ZNF692: variants seen among roughly 807,000 people sequenced by gnomAD.
ZNF692 encodes AICAR responsive element binding protein.
A neutral mutation model predicts 49.0 loss-of-function variants in ZNF692; 41 were observed. The observed-to-expected ratio is 0.84, with a 90% CI of 0.65 to 1.08. The LOEUF is 1.08. ZNF692 is among the 50% of genes least tolerant of loss of function. The pLI is 0.00. For synonymous variants in ZNF692, 288 were observed against 251.5 expected, an observed-to-expected ratio of 1.15 and a Z score of -1.37; for missense variants, 662 against 662.2, an observed-to-expected ratio of 1.00 and a Z score of 0.00.
At chr1:248,856,001 C>T (rs1213074040) in intron 6 of ZNF692, 55 bp from the exon 7 acceptor site, 1 of 1,532,598 alleles carries the variant, frequency 6.5e-7, no homozygotes, top group Non-Finnish European at 8.9e-7. Flanking sequence ...GTCAGCCATC[C>T]CCTGCCCGAC....
At position 248,857,352 on chromosome 1, in the gene ZNF692, G is replaced by A; in HGVS notation, c.357C>T (p.Thr119=). 1 of 1,614,052 alleles carries A rather than the reference G, an allele frequency of 6.2e-7. No individual in the cohort carries two copies. Among genetic ancestry groups the A allele is most frequent in the African/African-American group, 1.3e-5 (1 of 74,998 alleles). The change falls in exon 4 of 12, where the codon ACC becomes ACT. Residue 119 remains threonine, a synonymous_variant. Transcript: ENST00000306601. ...GLVWECSAGH[T]FSWGPSLSPT... ...GGCTCAAAGAGGGTCCCCAGGAGAAGGTATGGCCTGCTGAGCACTCCCACA... is the reference window on the plus strand; with the variant it reads ...GGCTCAAAGAGGGTCCCCAGGAGAAAGTATGGCCTGCTGAGCACTCCCACA...
At position 248,856,304 on chromosome 1, in the gene ZNF692, T is replaced by C; in HGVS notation, c.643A>G (p.Ser215Gly). 1 of 1,595,860 alleles carries C rather than the reference T, an allele frequency of 6.3e-7. No homozygotes were observed. Among genetic ancestry groups the C allele is most frequent in the Non-Finnish European group, 8.5e-7 (1 of 1,170,570 alleles). The change falls in exon 6 of 12, where the codon AGC becomes GGC. Residue 215 changes from serine to glycine, a missense_variant. Physicochemically the swap from Ser to Gly is moderately conservative, Grantham distance 56 (BLOSUM62 0). Transcript: ENST00000306601. The stretch of plus-strand genomic sequence containing the variant: ...CCAACTTGCTCATCTGGGGAGGAGC[T>C]GTAGGTCCATAAGCTGGCATCACTG... ...MLSDASLWTY[S>G]SSPDDSEPDA...
In ZNF692 at chr1:248,858,471, C is replaced by T; in HGVS notation, c.-12-150G>A. ...AGCAGTGGCAGGTGTGGAGCCAAAC[C>T]CCGTCCTTCTATGATACAGGGTGTT... On this transcript the variant is annotated intron_variant, in intron 1 of 11. Coordinates refer to ENST00000306601, the MANE Select transcript of ZNF692 (RefSeq NM_017865.4). The surrounding 1 kb of genome is among the most constrained non-coding windows in gnomAD (Gnocchi z 4.3). The T allele has an allele frequency of 6.4e-7, 1 of 1,551,696 alleles. No individual in the cohort carries two copies. The highest frequency in any genetic ancestry group is 8.7e-7 in the Non-Finnish European group (1 of 1,146,978).
At chr1:248,853,651 T>C (rs1372517664) in intron 10 of ZNF692, among the ~76,000 whole-genome samples, 1 of 152,256 alleles carries the variant, frequency 6.6e-6, no homozygotes, top group Non-Finnish European at 1.5e-5. Context: ...CATTTCTTCA[T>C]AGCCCTGTAT....
Position 248,850,088 on chromosome 1 carries a change from T to C in ZNF692, c.*122A>G. ...CTACAGCCCAGTCTTGCCCCCACCC[T>C]GCACTCTGTCGCCTTAGTTCCTGGG... On this transcript the variant is annotated 3_prime_UTR_variant, in exon 12 of 12. Transcript: ENST00000306601. The C allele has an allele frequency of 2.6e-6, 3 of 1,143,064 alleles. No homozygotes were observed. In the South Asian group the frequency reaches 5.2e-5, roughly 20 times the overall value. The allele number at this position is 1,143,064 out of a possible 1,614,324, so 70.8% of individuals were successfully genotyped here. A position where few individuals can be genotyped will look rare whatever the true frequency, so the allele number is the denominator to read the frequency against.
chr1:248,851,107 A>G (rs938112099), intron 10 of ZNF692, among the ~76,000 whole-genome samples: 4 of 152,070 alleles, frequency 2.6e-5, no homozygotes, highest in Non-Finnish European at 4.4e-5. Flanking sequence ...CTCAAAGGAG[A>G]CACATGGAAT....
chr1:248,853,992 A>G lies in ZNF692; in HGVS notation c.1098T>C (p.Cys366=), dbSNP rs143113789. 190 of 1,614,210 alleles carry G rather than the reference A, an allele frequency of 1.2e-4. No individual in the cohort carries two copies. In the African/African-American group the frequency reaches 1.3e-3, roughly 11 times the overall value. ...GTTTCTTAAAGTTGAAAGACTTCCC[A>G]CAGGCTGGCTCTGGGCAGGAGAAAG... is the stretch of plus-strand genomic sequence containing the variant. The part of the protein sequence containing the change: ...QKSFSCPEPA[C]GKSFNFKKHL... The change falls in exon 10 of 12, where the codon TGT becomes TGC. Residue 366 remains cysteine (C), a synonymous_variant. Transcript: ENST00000306601.
chr1:248,858,157 C>T lies in ZNF692; in HGVS notation c.153G>A (p.Ser51=). The change falls in exon 2 of 12, where the codon TCG becomes TCA. Residue 51 remains serine (S), a synonymous_variant. Transcript: ENST00000306601. This position sits in a 1 kb window ranked among gnomAD's most constrained non-coding sequence, Gnocchi z 4.3. ...GGTCCAACAGGAACTTGGCGAGCTG[C>T]GAGTGCAGGGAGAAGCCCAGCCGCT... is the stretch of plus-strand genomic sequence containing the variant. The part of the protein sequence containing the change: ...LKERLGFSLH[S]QLAKFLLDRY... 2 of 1,569,482 alleles carry T rather than the reference C, an allele frequency of 1.3e-6. No individual in the cohort carries two copies. The highest frequency in any genetic ancestry group is 1.1e-5 in the South Asian group (1 of 89,300).
intron 10 of ZNF692, 167 bp from the exon 11 acceptor site, chr1:248,850,948 C>G (rs1021316076): frequency 1.5e-5 from 11 of 722,540 alleles, no homozygotes; most frequent in Non-Finnish European, 2.7e-5. Flanking sequence ...CCTCCCTTAC[C>G]TGATGGGTCA....
Position 248,856,290 on chromosome 1 carries a change from A to C in ZNF692, c.657T>G (p.Asp219Glu). 1.3e-6 allele frequency: 2 copies of C among 1,580,864 alleles called. No individual in the cohort carries two copies. The highest frequency in any genetic ancestry group is 1.7e-6 in the Non-Finnish European group (2 of 1,163,874). Residue 219 changes from aspartate (D) to glutamate (E), a missense_variant and splice_region_variant, in exon 6 of 12, where the codon GAT (aspartate) becomes GAG (glutamate). Coordinates refer to ENST00000306601, the MANE Select transcript of ZNF692 (RefSeq NM_017865.4). ...ATTCTCCCTCAACCCCAACTTGCTCATCTGGGGAGGAGCTGTAGGTCCATA... is the reference window on the plus strand; with the variant it reads ...ATTCTCCCTCAACCCCAACTTGCTCCTCTGGGGAGGAGCTGTAGGTCCATA... ...ASLWTYSSSP[D>E]DSEPDAPRLL...
rs571296667 is a variant in ZNF692 at position 248,857,445 on chromosome 1, A to G, written c.264T>C (p.His88=). The G allele has an allele frequency of 1.8e-5, 29 of 1,614,110 alleles. No individual in the cohort carries two copies. The South Asian group carries it at 2.5e-4, about 14-fold the overall frequency. The change falls in exon 4 of 12, where the codon CAT becomes CAC. Residue 88 remains histidine (H), a synonymous_variant. Coordinates refer to ENST00000306601, the MANE Select transcript of ZNF692 (RefSeq NM_017865.4). ...KGLQYLVLLS[H]AHSRECSLVP... is the part of the protein sequence containing the mutation. ...CCAGGCTGCACTCTCGGCTGTGGGCATGAGACAAGAGCACCAGATACTGCA... is the reference window on the plus strand; with the variant it reads ...CCAGGCTGCACTCTCGGCTGTGGGCGTGAGACAAGAGCACCAGATACTGCA...
intron 6 of ZNF692, 156 bp from the exon 7 acceptor site, chr1:248,856,102 T>C: frequency 8.3e-7 from 1 of 1,200,066 alleles, no homozygotes; most frequent in Non-Finnish European, 1.1e-6. Context: ...GCCCTCAATC[T>C]CCCTGCACCT....
In ZNF692 at chr1:248,857,483, G is replaced by T; in HGVS notation, c.226C>A (p.Pro76Thr). ...CVLCAGPEPL[P>T]PKGLQYLVLL... Reference sequence around the variant, plus strand: ...ACCAGATACTGCAGACCTTTTGGAGGCAAAGGCTCAGGACCTGGAGGGGTG... The same window carrying T: ...ACCAGATACTGCAGACCTTTTGGAGTCAAAGGCTCAGGACCTGGAGGGGTG... The change falls in exon 4 of 12, where the codon CCT becomes ACT. Residue 76 changes from proline to threonine, a missense_variant. Pro to Thr is a conservative substitution (Grantham distance 38, BLOSUM62 -1). Coordinates refer to ENST00000306601, the MANE Select transcript of ZNF692 (RefSeq NM_017865.4). 1 of 1,613,400 alleles carries T rather than the reference G, an allele frequency of 6.2e-7. No individual in the cohort carries two copies. The highest frequency in any genetic ancestry group is 1.1e-5 in the South Asian group (1 of 91,030).
At chr1:248,857,981 G>GC in intron 2 of ZNF692, 122 bp from the exon 3 acceptor site, 1 of 1,553,564 alleles carries the variant, frequency 6.4e-7, no homozygotes, top group South Asian at 1.2e-5. Context: ...GAGGAGGGGA[G>GC]CAGGACCCTC....
At chr1:248,856,656 C>T (rs1660271932) in intron 4 of ZNF692, 94 bp from the exon 5 acceptor site, 3 of 1,304,526 alleles carry the variant, frequency 2.3e-6, no homozygotes, top group East Asian at 2.7e-5. Flanking sequence ...GGAGACTCCT[C>T]TTTTTTTTTT....
At position 248,856,120 on chromosome 1, in the gene ZNF692, C is replaced by T. The variant is rs555435658; in HGVS notation, c.659+168G>A. On this transcript the variant is annotated intron_variant, in intron 6 of 11. Coordinates refer to ENST00000306601, the MANE Select transcript of ZNF692 (RefSeq NM_017865.4). ...CTCAATCTCCCTGCACCTGACTTCA[C>T]CCCTTTTCACCCCCTCAGTTCAAAG... The T allele has an allele frequency of 5.6e-6, 7 of 1,255,900 alleles. No homozygotes were observed. The Admixed American group carries it at 1.0e-4, about 19-fold the overall frequency. The allele number at this position is 1,255,900 out of a possible 1,614,324, so 77.8% of individuals were successfully genotyped here. A position where few individuals can be genotyped will look rare whatever the true frequency, so the allele number is the denominator to read the frequency against.
At position 248,853,950 on chromosome 1, in the gene ZNF692, C is replaced by T. The variant is rs752095116; in HGVS notation, c.1140G>A (p.Met380Ile). 6.2e-7 allele frequency: 1 copy of T among 1,613,962 alleles called. No homozygotes were observed. The highest frequency in any genetic ancestry group is 1.1e-5 in the South Asian group (1 of 91,086). The change falls in exon 10 of 12, where the codon ATG (methionine) becomes ATA (isoleucine). Residue 380 changes from methionine (M) to isoleucine (I), a missense_variant. Met to Ile is a conservative substitution (Grantham distance 10). Transcript: ENST00000306601. ...TCCACCACTCACCACTGTGCAGCTT[C>T]ATGTGCTCCTTCAGGTGTTTCTTAA... ...FNFKKHLKEH[M>I]KLHSDTRDYI...
Position 248,855,816 on chromosome 1 carries a change from T to C in ZNF692, c.790A>G (p.Ser264Gly). The change falls in exon 7 of 12, where the codon AGT becomes GGT. Residue 264 changes from serine to glycine, a missense_variant. Transcript: ENST00000306601. ...TCTGCAGGTGGAGGAGCTCTGGAACTCAATGAGGATGCTGACAAGGCCGGC... is the reference window on the plus strand; with the variant it reads ...TCTGCAGGTGGAGGAGCTCTGGAACCCAATGAGGATGCTGACAAGGCCGGC... ...AVPALSASSLSSRAPPPAEVR... is the reference protein window; with the variant it reads ...AVPALSASSLGSRAPPPAEVR... 1 of 1,614,158 alleles carries C rather than the reference T, an allele frequency of 6.2e-7. No individual in the cohort carries two copies. The highest frequency in any genetic ancestry group is 8.5e-7 in the Non-Finnish European group (1 of 1,180,034).
intron 9 of ZNF692, 155 bp from the exon 10 acceptor site, chr1:248,854,206 C>T: frequency 4.9e-6 from 3 of 616,400 alleles, no homozygotes; most frequent in Admixed American, 2.6e-5. Flanking sequence ...TGCTCGTTTC[C>T]TTGAGGCTCA....
Sources: gnomAD v4.1 joint callset for allele counts (sites outside exome capture counted in the v4.1 genomes callset) on GRCh38, gnomAD v4.1.1 for gene constraint, Gnocchi (gnomAD v3.1) non-coding constraint, MANE v1.5 for transcripts, NCBI Gene and HGNC (gene_info 2026-07-23, HGNC 2026-07-21) for gene names.